Variants in PRPF39 observed in about 807,000 individuals in gnomAD.
PRPF39 encodes pre-mRNA processing factor 39.
PRPF39 carries 27 observed loss-of-function variants against 82.1 expected under a neutral mutation model. That is an observed-to-expected ratio of 0.33 (90% CI 0.24 to 0.45). The LOEUF is 0.45. PRPF39 is among the 20% of genes least tolerant of loss of function. The probability of loss-of-function intolerance (pLI) is 1.00; values close to 1 mark genes in which losing one functional copy is unlikely to be tolerated. For synonymous variants in PRPF39, 261 were observed against 256.4 expected (o/e 1.02, Z -0.17); for missense variants, 581 against 796.9 (o/e 0.73, Z 3.26).
chr14:45,109,939 C>T (rs1415257564), intron 8 of PRPF39, 155 bp from the exon 9 acceptor site: 1 of 1,530,058 alleles, frequency 6.5e-7, no homozygotes, highest in African/African-American at 1.4e-5. Flanking sequence ...ATATGCCAAC[C>T]TCGTTGCCTC....
At chr14:45,090,372 G>C (rs1307531597) in intron 1 of PRPF39, among the ~76,000 whole-genome samples, 1 of 152,144 alleles carries the variant, frequency 6.6e-6, no homozygotes, top group Admixed American at 6.5e-5. Flanking sequence ...GCATTGGCTA[G>C]ATTTGCTTTT....
At chr14:45,102,776 A>G in intron 5 of PRPF39, 80 bp downstream of exon 5, 1 of 1,305,632 alleles carries the variant, frequency 7.7e-7, no homozygotes, top group Non-Finnish European at 1.0e-6. Flanking sequence ...ATTATCTTGG[A>G]ATGTTATGTA....
intron 1 of PRPF39, among the ~76,000 whole-genome samples, chr14:45,091,613 G>T (rs1013628946): frequency 2.0e-5 from 3 of 152,016 alleles, no homozygotes; most frequent in African/African-American, 7.2e-5. Flanking sequence ...TACGAAGAGT[G>T]TATACAAACC....
In PRPF39 at chr14:45,096,977, G is replaced by A. The variant is rs751080347; in HGVS notation, c.541G>A (p.Asp181Asn). Residue 181 changes from aspartate to asparagine, a missense_variant, in exon 4 of 14, where the codon GAT becomes AAT. Physicochemically the swap from Asp to Asn is conservative, Grantham distance 23. Transcript: ENST00000355765. ...CTTAAAAGAAACATTGGACCCTGGT[G>A]ATCCTGAGACAAACAATACAATAAG... Reference protein sequence around the residue: ...NFLKETLDPGDPETNNTIRGT... With the variant: ...NFLKETLDPGNPETNNTIRGT... The A allele has an allele frequency of 3.2e-6, 5 of 1,551,612 alleles. No individual in the cohort carries two copies. The South Asian group carries it at 6.0e-5, about 19-fold the overall frequency.
intron 1 of PRPF39, among the ~76,000 whole-genome samples, chr14:45,086,428 C>A (rs992755755): frequency 2.6e-5 from 4 of 152,028 alleles, no homozygotes; most frequent in Non-Finnish European, 4.4e-5. Context: ...TCATTTTATA[C>A]TTGTGTCCTT....
chr14:45,086,766 C>G (rs1883840398), intron 1 of PRPF39, among the ~76,000 whole-genome samples: 1 of 151,390 alleles, frequency 6.6e-6, no homozygotes. Context: ...TTTTTTTTTC[C>G]TTTTACTCTT....
chr14:45,097,090 T>G (rs1884221774), intron 4 of PRPF39, 85 bp downstream of exon 4: 1 of 1,423,440 alleles, frequency 7.0e-7, no homozygotes, highest in Non-Finnish European at 9.2e-7. Context: ...AAAGCTAAGC[T>G]GGAAGTTTAA....
rs1223618873 is a variant in PRPF39 at position 45,102,592 on chromosome 14, G to A, written c.633G>A (p.Met211Ile). ...TDFRSDRLWE[M>I]YINWENEQGN... ...TCCGTTCTGACAGACTGTGGGAAATGTATATAAACTGGGAAAATGAGCAGG... is the reference window on the plus strand; with the variant it reads ...TCCGTTCTGACAGACTGTGGGAAATATATATAAACTGGGAAAATGAGCAGG... Residue 211 changes from methionine (M) to isoleucine (I), a missense_variant, in exon 5 of 14, where the codon ATG (methionine) becomes ATA (isoleucine). Met to Ile is a conservative substitution (Grantham distance 10). Transcript: ENST00000355765. The A allele has an allele frequency of 1.9e-6, 3 of 1,612,018 alleles. No individual in the cohort carries two copies. Among genetic ancestry groups the A allele is most frequent in the Non-Finnish European group, 2.5e-6 (3 of 1,178,634 alleles).
chr14:45,103,519 A>AT (rs895707613), intron 5 of PRPF39, among the ~76,000 whole-genome samples: 69 of 150,146 alleles, frequency 4.6e-4, no homozygotes, highest in African/African-American at 1.4e-3. Flanking sequence ...GATTTTCTAA[A>AT]TTTTTTTTTT....
Position 45,107,521 on chromosome 14 carries a change from A to T in PRPF39, c.808A>T (p.Arg270Trp). The change falls in exon 6 of 14, where the codon AGG becomes TGG. Residue 270 changes from arginine to tryptophan, a missense_variant. Arg to Trp is a moderately radical substitution (Grantham distance 101). Coordinates refer to ENST00000355765, the MANE Select transcript of PRPF39 (RefSeq NM_017922.4). ...LTGEQFIQLR[R>W]ELASVNGHSG... ...TGGTGAACAGTTTATTCAGTTGCGA[A>T]GGGAATTAGCTTCTGTAAATGGTCA... 6.4e-7 allele frequency: 1 copy of T among 1,561,546 alleles called. No individual in the cohort carries two copies. The highest frequency in any genetic ancestry group is 2.4e-5 in the East Asian group (1 of 42,486).
At chr14:45,112,593 T>G (rs529347602) in intron 11 of PRPF39, 91 bp downstream of exon 11, 1 of 1,201,036 alleles carries the variant, frequency 8.3e-7, no homozygotes, top group Non-Finnish European at 1.1e-6. Flanking sequence ...ATTAATACAT[T>G]GTTAAATTTT....
In PRPF39 at chr14:45,113,838, T is replaced by C. The variant is rs137880279; in HGVS notation, c.1758-345T>C. The stretch of plus-strand genomic sequence containing the variant: ...GAAGTAGTGGAAGCGTGATCTTGAC[T>C]GTGTTGTGCATTGAAAGCTAGACTG... On this transcript the variant is annotated intron_variant, in intron 11 of 13. Coordinates refer to ENST00000355765, the MANE Select transcript of PRPF39 (RefSeq NM_017922.4). Among the ~76,000 whole-genome samples, 53 of 152,308 alleles carry C rather than the reference T, an allele frequency of 3.5e-4. No individual in the cohort carries two copies. In the East Asian group the frequency reaches 9.6e-3, roughly 28 times the overall value.
In PRPF39 at chr14:45,095,287, C is replaced by G; in HGVS notation, c.48C>G (p.Ser16Arg). 1 of 1,610,578 alleles carries G rather than the reference C, an allele frequency of 6.2e-7. No homozygotes were observed. Among genetic ancestry groups the G allele is most frequent in the Non-Finnish European group, 8.5e-7 (1 of 1,177,358 alleles). The change falls in exon 2 of 14, where the codon AGC becomes AGG. Residue 16 changes from serine (S) to arginine (R), a missense_variant. Coordinates refer to ENST00000355765, the MANE Select transcript of PRPF39 (RefSeq NM_017922.4). The part of the protein sequence containing the change: ...MDEYRNSSNG[S>R]TGNSSEVVVE... ...AATACAGAAATTCTAGTAATGGCAG[C>G]ACAGGCAACAGTTCAGAGGTAGTGG... is the stretch of plus-strand genomic sequence containing the variant.
At chr14:45,111,492 G>A (rs1884693992) in intron 10 of PRPF39, among the ~76,000 whole-genome samples, 1 of 151,838 alleles carries the variant, frequency 6.6e-6, no homozygotes, top group East Asian at 1.9e-4. Context: ...GCATCACCGC[G>A]TCCGGCTGAT....
At chr14:45,092,022 A>G (rs965303102) in intron 1 of PRPF39, among the ~76,000 whole-genome samples, 1 of 152,242 alleles carries the variant, frequency 6.6e-6, no homozygotes, top group Non-Finnish European at 1.5e-5. Flanking sequence ...CTTCATGGAC[A>G]TGAATCGTTT....
At chr14:45,099,917 C>T (rs1439792567) in intron 4 of PRPF39, among the ~76,000 whole-genome samples, 1 of 152,108 alleles carries the variant, frequency 6.6e-6, no homozygotes, top group Non-Finnish European at 1.5e-5. Context: ...TCTGTTTACC[C>T]ATTTTCATCT....
intron 10 of PRPF39, among the ~76,000 whole-genome samples, chr14:45,112,099 A>C (rs774978791): frequency 8.5e-5 from 13 of 152,192 alleles, no homozygotes; most frequent in Non-Finnish European, 5.9e-5. Context: ...TGCATTGTTT[A>C]GGAGGTACTA....
chr14:45,096,734 G>A (rs1223164794), intron 3 of PRPF39, 153 bp from the exon 4 acceptor site: 1 of 1,532,110 alleles, frequency 6.5e-7, no homozygotes, highest in East Asian at 2.5e-5. Context: ...ACATTGCCAT[G>A]TTCTATCCAA....
At chr14:45,099,483 C>A (rs956534171) in intron 4 of PRPF39, among the ~76,000 whole-genome samples, 1 of 151,994 alleles carries the variant, frequency 6.6e-6, no homozygotes, top group East Asian at 1.9e-4. Flanking sequence ...CTCCCTCTCT[C>A]CCCCAGGGTG....
Sources: gnomAD v4.1 joint callset for allele counts (sites outside exome capture counted in the v4.1 genomes callset) on GRCh38, gnomAD v4.1.1 for gene constraint, MANE v1.5 for transcripts, NCBI Gene and HGNC (gene_info 2026-07-23, HGNC 2026-07-21) for gene names.